The following LAG3 variants were observed in gnomAD, a reference collection of about 807,000 sequenced individuals.
The protein encoded by LAG3 is lymphocyte activation gene 3 protein.
A neutral mutation model predicts 49.0 loss-of-function variants in LAG3; 29 were observed. That is an observed-to-expected ratio of 0.59 (90% CI 0.44 to 0.81). The LOEUF (loss-of-function observed/expected upper bound fraction) is 0.81, where lower values mean the gene tolerates loss of function less well. Among genes scored for constraint, LAG3 ranks in the 30% least tolerant of loss-of-function variants. The pLI, the probability that LAG3 is intolerant of heterozygous loss-of-function variation, is 0.00. For synonymous variants in LAG3, 320 were observed against 297.3 expected, an observed-to-expected ratio of 1.08 and a Z score of -0.79; for missense variants, 693 against 695.2, an observed-to-expected ratio of 1.00 and a Z score of 0.04.
At chr12:6,774,046 C>G (rs1402165018) in intron 3 of LAG3, 45 bp downstream of exon 3, 9 of 1,374,986 alleles carry the variant, frequency 6.5e-6, no homozygotes, top group Non-Finnish European at 8.4e-6. Context: ...AGGTGGGTCC[C>G]CATCCCCTGC....
At chr12:6,774,177 G>C (rs962975706) in intron 3 of LAG3, among the ~76,000 whole-genome samples, 176 bp downstream of exon 3, 147 of 149,504 alleles carry the variant, frequency 9.8e-4, no homozygotes, top group African/African-American at 3.0e-3. Context: ...CCCGAAGCAC[G>C]TGTATGGGGG....
In LAG3 at chr12:6,773,737, G is replaced by A; in HGVS notation, c.247G>A (p.Gly83Ser). The A allele has an allele frequency of 7.5e-7, 1 of 1,335,204 alleles. No individual in the cohort carries two copies. Among genetic ancestry groups the A allele is most frequent in the Non-Finnish European group, 9.5e-7 (1 of 1,049,532 alleles). 82.7% of individuals were successfully genotyped at this position (1,335,204 alleles called of 1,614,324 possible). A position where few individuals can be genotyped will look rare whatever the true frequency, so the allele number is the denominator to read the frequency against. The part of the protein sequence containing the change: ...AAAPGHPLAP[G>S]PHPAAPSSWG... ...CGCCCCCGGCCATCCCCTGGCCCCC[G>A]GCCCTCACCCGGCGGCGCCCTCCTC... is the stretch of plus-strand genomic sequence containing the variant. The change falls in exon 3 of 8, where the codon GGC (glycine) becomes AGC (serine). Residue 83 changes from glycine to serine, a missense_variant. By Grantham distance (56) the Gly-to-Ser change is moderately conservative. Transcript: ENST00000203629. The surrounding 1 kb of genome is among the most constrained non-coding windows in gnomAD (Gnocchi z 5.5).
chr12:6,775,511 G>A lies in LAG3; in HGVS notation c.1020G>A (p.Gln340=), dbSNP rs1161202403. 1 of 1,614,260 alleles carries A rather than the reference G, an allele frequency of 6.2e-7. No homozygotes were observed. Among genetic ancestry groups the A allele is most frequent in the Admixed American group, 1.7e-5 (1 of 60,028 alleles). ...CCTGCCATATCCATCTGCAGGAACA[G>A]CAGCTCAATGCCACTGTCACATTGG... The part of the protein sequence containing the change: ...TYTCHIHLQE[Q]QLNATVTLAI... Residue 340 remains glutamine, a synonymous_variant, in exon 5 of 8, where the codon CAG becomes CAA. Transcript: ENST00000203629.
In LAG3 at chr12:6,773,390, C is replaced by T; in HGVS notation, c.206+51C>T. On this transcript the variant is annotated intron_variant, in intron 2 of 7. Coordinates refer to ENST00000203629, the MANE Select transcript of LAG3 (RefSeq NM_002286.6). The surrounding 1 kb of genome is among the most constrained non-coding windows in gnomAD (Gnocchi z 5.5). The stretch of plus-strand genomic sequence containing the variant: ...GGACCTCCGAATCCAGCACTCAACC[C>T]CACACCCGTGCCGGTCCTCTGTCCC... 1 of 1,602,480 alleles carries T rather than the reference C, an allele frequency of 6.2e-7. No individual in the cohort carries two copies. Among genetic ancestry groups the T allele is most frequent in the Non-Finnish European group, 8.5e-7 (1 of 1,174,948 alleles).
intron 5 of LAG3, among the ~76,000 whole-genome samples, chr12:6,776,216 C>T (rs1246590056): frequency 6.6e-6 from 1 of 152,192 alleles, no homozygotes; most frequent in African/African-American, 2.4e-5. Flanking sequence ...TGAGTTTTCA[C>T]TTGCTTTCTG....
At position 6,777,777 on chromosome 12, in the gene LAG3, T is replaced by C; in HGVS notation, c.1301-14T>C. 6.2e-7 allele frequency: 1 copy of C among 1,613,784 alleles called. No individual in the cohort carries two copies. Among genetic ancestry groups the C allele is most frequent in the South Asian group, 1.1e-5 (1 of 91,080 alleles). The stretch of plus-strand genomic sequence containing the variant: ...AGTCCTGACCCTATGCCTCATCCTG[T>C]ACTTTCTCCATAGGTGCCCAACGCT... On this transcript the variant is annotated splice_polypyrimidine_tract_variant and intron_variant, in intron 6 of 7. Transcript: ENST00000203629.
rs1282136564 is a variant in LAG3 at position 6,773,478 on chromosome 12, G to C, written c.206+139G>C. The C allele has an allele frequency of 3.4e-6, 4 of 1,181,446 alleles. No individual in the cohort carries two copies. The allele number at this position is 1,181,446 out of a possible 1,614,324, so 73.2% of individuals were successfully genotyped here. ...CAGTCTCCCTGCCCTCGCTTGCACC[G>C]TTCCTGCCCTTGCTCTGCAATCAGC... On this transcript the variant is annotated intron_variant, in intron 2 of 7. Coordinates refer to ENST00000203629, the MANE Select transcript of LAG3 (RefSeq NM_002286.6). The surrounding 1 kb of genome is among the most constrained non-coding windows in gnomAD (Gnocchi z 5.5).
chr12:6,777,837 C>A lies in LAG3; in HGVS notation c.1347C>A (p.His449Gln), dbSNP rs757430696. The change falls in exon 7 of 8, where the codon CAC becomes CAA. Residue 449 changes from histidine to glutamine, a missense_variant. By Grantham distance (24) the His-to-Gln change is conservative. Transcript: ENST00000203629. ...GRAPGALPAG[H>Q]LLLFLILGVL... ...CCCCAGGTGCCCTCCCAGCAGGCCA[C>A]CTCCTGCTGTTTCTCATCCTTGGTG... 1.2e-6 allele frequency: 2 copies of A among 1,613,626 alleles called. No individual in the cohort carries two copies. The highest frequency in any genetic ancestry group is 1.7e-6 in the Non-Finnish European group (2 of 1,179,872).
At position 6,777,924 on chromosome 12, in the gene LAG3, G is replaced by A. The variant is rs200836938; in HGVS notation, c.1431+3G>A. On this transcript the variant is annotated splice_donor_region_variant and intron_variant, in intron 7 of 7. Transcript: ENST00000203629. ...GCTTTCACCTTTGGAGAAGACAGGTGAGCCAGGGACATGGCAACCCCGCCC... is the reference window on the plus strand; with the variant it reads ...GCTTTCACCTTTGGAGAAGACAGGTAAGCCAGGGACATGGCAACCCCGCCC... 1.1e-5 allele frequency: 17 copies of A among 1,613,202 alleles called. No individual in the cohort carries two copies. The Admixed American group carries it at 2.7e-4, about 25-fold the overall frequency.
intron 5 of LAG3, among the ~76,000 whole-genome samples, chr12:6,776,837 A>G (rs1941910873): frequency 6.6e-6 from 1 of 152,178 alleles, no homozygotes; most frequent in African/African-American, 2.4e-5. Flanking sequence ...AAGAATCTGT[A>G]ATAGTATTTA....
In LAG3 at chr12:6,773,427, T is replaced by C. The variant is rs947783009; in HGVS notation, c.206+88T>C. The C allele has an allele frequency of 1.7e-5, 25 of 1,473,460 alleles. No homozygotes were observed. In the African/African-American group the frequency reaches 3.2e-4, roughly 19 times the overall value. 91.3% of individuals were successfully genotyped at this position (1,473,460 alleles called of 1,614,324 possible). On this transcript the variant is annotated intron_variant, in intron 2 of 7. Coordinates refer to ENST00000203629, the MANE Select transcript of LAG3 (RefSeq NM_002286.6). The surrounding 1 kb of genome is among the most constrained non-coding windows in gnomAD (Gnocchi z 5.5). ...CGGTCCTCTGTCCCCTGCCCTGAGG[T>C]GTCACTCCCTCTGAAGCCAGTGACC...
At chr12:6,774,101 C>A (rs919169452) in intron 3 of LAG3, 100 bp downstream of exon 3, 9 of 1,334,118 alleles carry the variant, frequency 6.7e-6, no homozygotes, top group Non-Finnish European at 8.6e-6. Flanking sequence ...GCGCCCTAGG[C>A]CCTGTCGGAG....
chr12:6,777,654 C>T (rs1320626218), intron 6 of LAG3, 137 bp from the exon 7 acceptor site: 48 of 1,438,966 alleles, frequency 3.3e-5, no homozygotes, highest in Middle Eastern at 1.7e-4. Context: ...GACCCGTTTC[C>T]GCCACTGATC....
Position 6,773,397 on chromosome 12 carries a change from C to A in LAG3, c.206+58C>A. On this transcript the variant is annotated intron_variant, in intron 2 of 7. Transcript: ENST00000203629. This position sits in a 1 kb window ranked among gnomAD's most constrained non-coding sequence, Gnocchi z 5.5. ...CGAATCCAGCACTCAACCCCACACC[C>A]GTGCCGGTCCTCTGTCCCCTGCCCT... 1.3e-6 allele frequency: 2 copies of A among 1,590,774 alleles called. No homozygotes were observed. Among genetic ancestry groups the A allele is most frequent in the Non-Finnish European group, 1.7e-6 (2 of 1,167,450 alleles).
chr12:6,775,108 T>C lies in LAG3; in HGVS notation c.782-165T>C, dbSNP rs552177225. On this transcript the variant is annotated intron_variant, in intron 4 of 7. Coordinates refer to ENST00000203629, the MANE Select transcript of LAG3 (RefSeq NM_002286.6). ...TCCCTCTCCTTCCGGCTAAGCCCAC[T>C]TGCTGGGTTTCTGAGCCTCCTCAGC... Among the ~76,000 whole-genome samples the C allele has an allele frequency of 2.6e-5, 4 of 152,322 alleles. No individual in the cohort carries two copies. The South Asian group carries it at 6.2e-4, about 24-fold the overall frequency.
Position 6,778,426 on chromosome 12 carries a change from C to A in LAG3, c.*36C>A. 1 of 1,596,718 alleles carries A rather than the reference C, an allele frequency of 6.3e-7. No homozygotes were observed. The highest frequency in any genetic ancestry group is 8.5e-7 in the Non-Finnish European group (1 of 1,176,640). On this transcript the variant is annotated 3_prime_UTR_variant, in exon 8 of 8. Coordinates refer to ENST00000203629, the MANE Select transcript of LAG3 (RefSeq NM_002286.6). ...AGGCAGCCAGCAGATCTCAGCAGCC[C>A]AGTCCAAATAAACTCCCTGTCAGCA...
chr12:6,774,080 G>A, intron 3 of LAG3, 79 bp downstream of exon 3: 2 of 1,364,542 alleles, frequency 1.5e-6, no homozygotes, highest in Non-Finnish European at 9.4e-7. Flanking sequence ...GGAAGGGCTG[G>A]GGCAGAGGCT....
In LAG3 at chr12:6,772,659, T is replaced by A; in HGVS notation, c.-194T>A. On this transcript the variant is annotated 5_prime_UTR_variant, in exon 1 of 8. Coordinates refer to ENST00000203629, the MANE Select transcript of LAG3 (RefSeq NM_002286.6). ...GATCTGCCCAGCTTTCCAGCTTTCC[T>A]CTGGATTCCGGCCTCTGGTCATCCC... 2.1e-6 allele frequency: 1 copy of A among 467,104 alleles called. No individual in the cohort carries two copies. Among genetic ancestry groups the A allele is most frequent in the Non-Finnish European group, 3.8e-6 (1 of 259,860 alleles). 28.9% of individuals were successfully genotyped at this position (467,104 alleles called of 1,614,324 possible).
chr12:6,772,806 T>A lies in LAG3; in HGVS notation c.-47T>A. 1.4e-6 allele frequency: 2 copies of A among 1,400,414 alleles called. No homozygotes were observed. Among genetic ancestry groups the A allele is most frequent in the Non-Finnish European group, 2.0e-6 (2 of 1,022,056 alleles). 86.7% of individuals were successfully genotyped at this position (1,400,414 alleles called of 1,614,324 possible). A position where few individuals can be genotyped will look rare whatever the true frequency, so the allele number is the denominator to read the frequency against. The stretch of plus-strand genomic sequence containing the variant: ...CCCCCACCACTGCCCCCTTTCCTTT[T>A]CTGACCTCCTTTTGGAGGGCTCAGC... On this transcript the variant is annotated 5_prime_UTR_variant, in exon 1 of 8. Coordinates refer to ENST00000203629, the MANE Select transcript of LAG3 (RefSeq NM_002286.6).
Sources: gnomAD v4.1 joint callset for allele counts (sites outside exome capture counted in the v4.1 genomes callset) on GRCh38, gnomAD v4.1.1 for gene constraint, Gnocchi (gnomAD v3.1) non-coding constraint, MANE v1.5 for transcripts, NCBI Gene and HGNC (gene_info 2026-07-23, HGNC 2026-07-21) for gene names.